Variants in CDH7 observed in about 807,000 individuals in gnomAD.
The protein encoded by CDH7 is cadherin 7, also known as cadherin-7.
A neutral mutation model predicts 71.8 loss-of-function variants in CDH7; 25 were observed. The ratio of observed to expected loss-of-function variants is 0.35; its 90% CI spans 0.25 to 0.49. The LOEUF (loss-of-function observed/expected upper bound fraction) is 0.49. Among genes scored for constraint, CDH7 ranks in the 20% least tolerant of loss-of-function variants. CDH7 has a pLI of 0.99. For synonymous variants in CDH7, 381 were observed against 363.8 expected, an observed-to-expected ratio of 1.05 and a Z score of -0.54; for missense variants, 862 against 974.6, an observed-to-expected ratio of 0.88 and a Z score of 1.54.
intron 4 of CDH7, among the ~76,000 whole-genome samples, chr18:65,816,829 C>T (rs1050857616): frequency 7.9e-5 from 12 of 152,186 alleles, no homozygotes; most frequent in African/African-American, 2.7e-4. Context: ...TCCCTTGAAA[C>T]TTCTCACCAC....
rs1324644349 is a variant in CDH7, at chr18:65,889,794, A to T, written c.*8900A>T. On this transcript the variant is annotated 3_prime_UTR_variant, in exon 12 of 12. Transcript: ENST00000397968. ...GTGAAGCTAAAAAATAGAATGCAAT[A>T]AATTAGCTAGTCTGCCACATAGAGA... 6.6e-6 allele frequency: 1 copy of T among 152,212 alleles called. No individual in the cohort carries two copies. Among genetic ancestry groups the T allele is most frequent in the Non-Finnish European group, 1.5e-5 (1 of 68,042 alleles). The allele number at this position is 152,212 out of a possible 1,614,324, so 9.4% of individuals were successfully genotyped here. A position where few individuals can be genotyped will look rare whatever the true frequency, so the allele number is the denominator to read the frequency against.
At chr18:65,838,648 A>C (rs1912618714) in intron 6 of CDH7, among the ~76,000 whole-genome samples, 1 of 152,246 alleles carries the variant, frequency 6.6e-6, no homozygotes, top group South Asian at 2.1e-4. Flanking sequence ...CATTGAACTT[A>C]ACGAGTATGT....
In CDH7 at chr18:65,853,916, T is replaced by TATATATATATATATATCC. The variant is rs1555689467; in HGVS notation, c.1236-3884_1236-3883insCCATATATATATATATAT. Among the ~76,000 whole-genome samples the TATATATATATATATATCC allele has an allele frequency of 1.5e-3, 90 of 59,944 alleles. 1 individual carries two copies. Among genetic ancestry groups the TATATATATATATATATCC allele is most frequent in the African/African-American group, 8.7e-3 (85 of 9,814 alleles). 39.3% of individuals were successfully genotyped at this position (59,944 alleles called of 152,430 possible). A position where few individuals can be genotyped will look rare whatever the true frequency, so the allele number is the denominator to read the frequency against. ...AACATCATAAATTACCATATATATA[T>TATATATATATATATATCC]ATATATATATATATATATATATATA... On this transcript the variant is annotated intron_variant, in intron 7 of 11. Transcript: ENST00000397968.
intron 3 of CDH7, among the ~76,000 whole-genome samples, chr18:65,813,406 C>T (rs939024635): frequency 1.4e-4 from 21 of 151,934 alleles, no homozygotes; most frequent in African/African-American, 4.8e-4. Flanking sequence ...TTCATAATTT[C>T]CACGTAATTT....
At chr18:65,786,239 G>A (rs145443556) in intron 2 of CDH7, among the ~76,000 whole-genome samples, 7 of 152,018 alleles carry the variant, frequency 4.6e-5, no homozygotes, top group Non-Finnish European at 8.8e-5. Context: ...TGATTTCATT[G>A]ACAAATGACA....
chr18:65,846,707 T>A (rs1012304572), intron 7 of CDH7, among the ~76,000 whole-genome samples: 1 of 152,192 alleles, frequency 6.6e-6, no homozygotes, highest in African/African-American at 2.4e-5. Flanking sequence ...ACTGGTTCCC[T>A]TCCCAGCACT....
intron 9 of CDH7, 65 bp from the exon 10 acceptor site, chr18:65,859,643 C>T: frequency 1.1e-6 from 1 of 946,234 alleles, no homozygotes; most frequent in African/African-American, 1.6e-5. Context: ...ATTGCTTTGT[C>T]CTGCCACAGA....
intron 6 of CDH7, among the ~76,000 whole-genome samples, chr18:65,835,017 G>A (rs1912484747): frequency 6.6e-6 from 1 of 152,098 alleles, no homozygotes; most frequent in South Asian, 2.1e-4. Flanking sequence ...GATCTTAAGT[G>A]GGCTCACACA....
intron 2 of CDH7, among the ~76,000 whole-genome samples, chr18:65,790,165 G>A (rs2143855305): frequency 7.0e-6 from 1 of 142,636 alleles, no homozygotes; most frequent in African/African-American, 2.6e-5. Flanking sequence ...AGTTTGCAGT[G>A]AGCCAAGATC....
intron 2 of CDH7, among the ~76,000 whole-genome samples, chr18:65,788,884 T>A (rs1246239288): frequency 6.6e-6 from 1 of 152,186 alleles, no homozygotes; most frequent in Non-Finnish European, 1.5e-5. Context: ...GTTTGCCTAG[T>A]TGAAAATCAA....
chr18:65,778,287 A>C (rs199963550), intron 2 of CDH7, among the ~76,000 whole-genome samples: 3 of 141,220 alleles, frequency 2.1e-5, no homozygotes, highest in Admixed American at 7.0e-5. Flanking sequence ...AAAAAAAAAA[A>C]AAAAAAAAAA....
intron 7 of CDH7, among the ~76,000 whole-genome samples, chr18:65,851,646 C>T (rs1213093864): frequency 6.6e-6 from 1 of 152,164 alleles, no homozygotes; most frequent in Non-Finnish European, 1.5e-5. Context: ...TGGTCTTTTG[C>T]AGAAACCCTC....
Position 65,781,864 on chromosome 18 carries a change from TTCTC to T in CDH7, c.210+18824_210+18827del, listed in dbSNP as rs199977503. On this transcript the variant is annotated intron_variant, in intron 2 of 11. Transcript: ENST00000397968. ...TTTCTTTCTTTCTTTCTTTCTTTCTTTCTCTCTCTCTCTCTGTCTCTCTCTCTCT... is the reference window on the plus strand; with the variant it reads ...TTTCTTTCTTTCTTTCTTTCTTTCTTTCTCTCTCTCTGTCTCTCTCTCTCT... Among the ~76,000 whole-genome samples, 14 of 54,620 alleles carry T rather than the reference TTCTC, an allele frequency of 2.6e-4. 2 individuals carry two copies. Among genetic ancestry groups the T allele is most frequent in the Admixed American group, 4.4e-4 (3 of 6,764 alleles). 35.8% of individuals were successfully genotyped at this position (54,620 alleles called of 152,430 possible). A position where few individuals can be genotyped will look rare whatever the true frequency, so the allele number is the denominator to read the frequency against.
intron 11 of CDH7, among the ~76,000 whole-genome samples, chr18:65,873,810 T>C (rs17075369): frequency 0.024 from 3,649 of 152,282 alleles, 134 homozygotes; most frequent in African/African-American, 0.082. Flanking sequence ...TCATCTCTTA[T>C]GTTGGACTTT....
intron 2 of CDH7, among the ~76,000 whole-genome samples, chr18:65,781,981 TC>T: frequency 1.4e-5 from 1 of 73,536 alleles, no homozygotes. Flanking sequence ...TCTCTCTCTC[TC>T]TCTCTTTCTC....
chr18:65,869,804 A>G (rs889546459), intron 11 of CDH7, among the ~76,000 whole-genome samples: 13 of 152,126 alleles, frequency 8.5e-5, no homozygotes, highest in African/African-American at 2.7e-4. Flanking sequence ...CACATAACAG[A>G]ACATTCTATA....
At chr18:65,765,506 A>C (rs1916330625) in intron 2 of CDH7, among the ~76,000 whole-genome samples, 1 of 151,530 alleles carries the variant, frequency 6.6e-6, no homozygotes, top group African/African-American at 2.4e-5. Context: ...TGTGCCCAGA[A>C]ATGTTTGTAG....
intron 2 of CDH7, among the ~76,000 whole-genome samples, chr18:65,789,647 T>C (rs1400318937): frequency 6.6e-6 from 1 of 152,040 alleles, no homozygotes; most frequent in African/African-American, 2.4e-5. Flanking sequence ...TGGTGAGGAC[T>C]GAAAAATGGT....
chr18:65,871,737 AGTT>A (rs1326457274), intron 11 of CDH7, among the ~76,000 whole-genome samples: 1 of 152,342 alleles, frequency 6.6e-6, no homozygotes, highest in South Asian at 2.1e-4. Flanking sequence ...TTGGACAGAA[AGTT>A]GTTATCAGTA....
Sources: allele counts gnomAD v4.1 joint callset (sites outside exome capture counted in the v4.1 genomes callset), GRCh38; gene constraint gnomAD v4.1.1; transcripts MANE v1.5; gene names NCBI Gene and HGNC (gene_info 2026-07-23, HGNC 2026-07-21).